Variants in NAV2 observed in about 807,000 individuals in gnomAD.
The protein encoded by NAV2 is helicase, APC down-regulated 1.
NAV2 carries 54 observed loss-of-function variants against 223.2 expected under a neutral mutation model. The observed-to-expected ratio is 0.24, with a 90% confidence interval of 0.19 to 0.30. The LOEUF (loss-of-function observed/expected upper bound fraction) is 0.30. Among genes scored for constraint, NAV2 ranks in the 10% least tolerant of loss-of-function variants. The pLI, the probability that NAV2 is intolerant of heterozygous loss-of-function variation, is 1.00. For missense variants in NAV2, 2,806 were observed against 3,147.5 expected (o/e 0.89, Z 2.60); for synonymous variants, 1,279 against 1,239.3 (o/e 1.03, Z -0.67).
At position 20,106,175 on chromosome 11, in the gene NAV2, A is replaced by ATATATATATATGTGTGTGTGTG. The variant is rs11267537; in HGVS notation, c.6841+449_6841+450insATATATATATGTGTGTGTGTGT. Reference sequence around the variant, plus strand: ...TGTGTGTATATATATATATATATATATGTGTGTGTATATATATATATATAT... The same window carrying ATATATATATATGTGTGTGTGTG: ...TGTGTGTATATATATATATATATATATATATATATATGTGTGTGTGTGTGTGTGTGTATATATATATATATAT... On this transcript the variant is annotated intron_variant, in intron 35 of 37. Transcript: ENST00000349880. Among the ~76,000 whole-genome samples, 89 of 35,818 alleles carry ATATATATATATGTGTGTGTGTG rather than the reference A, an allele frequency of 2.5e-3. 5 individuals carry two copies. The highest frequency in any genetic ancestry group is 3.5e-3 in the Non-Finnish European group (67 of 18,984). 23.5% of individuals were successfully genotyped at this position (35,818 alleles called of 152,430 possible). A position where few individuals can be genotyped will look rare whatever the true frequency, so the allele number is the denominator to read the frequency against.
intron 1 of NAV2, among the ~76,000 whole-genome samples, chr11:19,386,675 G>A (rs1849054431): frequency 6.8e-6 from 1 of 146,366 alleles, no homozygotes; most frequent in Non-Finnish European, 1.5e-5. Flanking sequence ...CAATAACTTT[G>A]ACCTTGGTTT....
At chr11:19,793,582 G>A (rs996309637) in intron 1 of NAV2, among the ~76,000 whole-genome samples, 6 of 152,166 alleles carry the variant, frequency 3.9e-5, no homozygotes, top group Admixed American at 3.9e-4. Context: ...GACTGTTCCA[G>A]TAGCCTGGGC....
chr11:19,753,462 T>C (rs2053998214), intron 1 of NAV2, among the ~76,000 whole-genome samples: 1 of 152,212 alleles, frequency 6.6e-6, no homozygotes, highest in African/African-American at 2.4e-5. Flanking sequence ...AGTCATAGAC[T>C]GGAGACATAG....
At chr11:19,455,695 G>A (rs562971229) in intron 1 of NAV2, among the ~76,000 whole-genome samples, 7 of 152,320 alleles carry the variant, frequency 4.6e-5, no homozygotes, top group African/African-American at 1.7e-4. Flanking sequence ...CTAGGAAGTG[G>A]AGGAGCTAGA....
intron 1 of NAV2, among the ~76,000 whole-genome samples, chr11:19,810,258 T>C (rs1305526929): frequency 2.0e-5 from 3 of 152,238 alleles, no homozygotes; most frequent in Non-Finnish European, 4.4e-5. Context: ...CTGTGTCACT[T>C]TGACATACTC....
intron 1 of NAV2, among the ~76,000 whole-genome samples, chr11:19,676,616 G>A (rs566638227): frequency 5.9e-5 from 9 of 152,264 alleles, no homozygotes; most frequent in East Asian, 1.9e-4. Flanking sequence ...TTGTTATTCC[G>A]ATACCCCAGG....
chr11:19,379,191 G>T (rs1367505546), intron 1 of NAV2, among the ~76,000 whole-genome samples: 1 of 152,154 alleles, frequency 6.6e-6, no homozygotes, highest in Non-Finnish European at 1.5e-5. Context: ...TTGGAAACTT[G>T]CAGTGTGGCT....
chr11:19,706,230 A>C (rs1323081245), intron 1 of NAV2, among the ~76,000 whole-genome samples: 1 of 152,202 alleles, frequency 6.6e-6, no homozygotes, highest in East Asian at 1.9e-4. Context: ...CCATTGTTTT[A>C]TTGAATACAG....
intron 1 of NAV2, among the ~76,000 whole-genome samples, chr11:19,541,456 T>A (rs1027722952): frequency 1.3e-5 from 2 of 152,248 alleles, no homozygotes; most frequent in Non-Finnish European, 2.9e-5. Flanking sequence ...TTGGGCCATG[T>A]GGCCCATCTT....
At chr11:20,034,495 T>G (rs1408267658) in intron 11 of NAV2, among the ~76,000 whole-genome samples, 1 of 151,986 alleles carries the variant, frequency 6.6e-6, no homozygotes, top group African/African-American at 2.4e-5. Context: ...TCATCCTGCC[T>G]CAGCTTCCCA....
intron 6 of NAV2, among the ~76,000 whole-genome samples, chr11:19,925,145 T>G (rs889987787): frequency 5.3e-5 from 8 of 152,230 alleles, no homozygotes; most frequent in Non-Finnish European, 1.5e-5. Flanking sequence ...TTTGTTGAGT[T>G]GGAAGAGTTC....
rs541864079 is a variant in NAV2, at chr11:19,796,585, C to T, written c.268-35899C>T. On this transcript the variant is annotated intron_variant, in intron 1 of 37. Coordinates refer to ENST00000349880, the MANE Select transcript of NAV2 (RefSeq NM_145117.5). ...GTCACACAGCTGTTAGGAAGCTGAG[C>T]CATAATGCTAAACACAGGTCAGGCT... Among the ~76,000 whole-genome samples the T allele has an allele frequency of 2.6e-5, 4 of 152,272 alleles. No individual in the cohort carries two copies. The East Asian group carries it at 7.7e-4, about 29-fold the overall frequency.
chr11:19,945,083 CTCTTT>C (rs200417441), intron 8 of NAV2, among the ~76,000 whole-genome samples: 2,294 of 121,878 alleles, frequency 0.019, 59 homozygotes, highest in African/African-American at 0.062. Flanking sequence ...CTTTTCTTTT[CTCTTT>C]TCTTCTCTTC....
chr11:19,648,674 C>A (rs2135624196), intron 1 of NAV2, among the ~76,000 whole-genome samples: 1 of 152,290 alleles, frequency 6.6e-6, no homozygotes, highest in African/African-American at 2.4e-5. Context: ...CCTGAGAGAT[C>A]ACAGGCGTGG....
intron 3 of NAV2, among the ~76,000 whole-genome samples, chr11:19,868,199 C>T (rs917134858): frequency 2.6e-5 from 4 of 152,078 alleles, no homozygotes; most frequent in Non-Finnish European, 5.9e-5. Context: ...CTTATGGTAC[C>T]CGTTGACATT....
At chr11:19,813,229 G>A (rs529486074) in intron 1 of NAV2, among the ~76,000 whole-genome samples, 57 of 152,068 alleles carry the variant, frequency 3.7e-4, no homozygotes, top group African/African-American at 3.9e-4. Context: ...GGCACCATGC[G>A]ACTAAAAGCT....
intron 1 of NAV2, among the ~76,000 whole-genome samples, chr11:19,624,117 G>T (rs1262650972): frequency 6.6e-6 from 1 of 152,136 alleles, no homozygotes; most frequent in East Asian, 1.9e-4. Context: ...CTGCCTGATT[G>T]TTCCTCTGGA....
chr11:19,545,166 G>T (rs1000958214), intron 1 of NAV2, among the ~76,000 whole-genome samples: 1 of 152,194 alleles, frequency 6.6e-6, no homozygotes, highest in Non-Finnish European at 1.5e-5. Context: ...ACGCCAGTGT[G>T]GGCATTTATT....
At chr11:20,089,088 G>T (rs985945043) in intron 26 of NAV2, among the ~76,000 whole-genome samples, 4 of 151,932 alleles carry the variant, frequency 2.6e-5, no homozygotes, top group African/African-American at 9.7e-5. Flanking sequence ...GAGAAAGAAA[G>T]GATGTTGCAA....
Sources: allele counts gnomAD v4.1 joint callset (sites outside exome capture counted in the v4.1 genomes callset), GRCh38; gene constraint gnomAD v4.1.1; transcripts MANE v1.5; gene names NCBI Gene and HGNC (gene_info 2026-07-23, HGNC 2026-07-21).